The following EYS variants were observed in gnomAD, a reference collection of about 807,000 sequenced individuals.
EYS encodes EGF-like photoreceptor maintenance factor.
Under a neutral mutation model 282.1 loss-of-function variants are expected in EYS, and 250 were observed. That is an observed-to-expected ratio of 0.89 (90% CI 0.80 to 0.98). EYS has a LOEUF of 0.98. Among genes scored for constraint, EYS ranks in the 50% least tolerant of loss-of-function variants. The pLI, the probability that EYS is intolerant of heterozygous loss-of-function variation, is 0.00. For synonymous variants in EYS, 1,355 were observed against 1,282.9 expected (o/e 1.06, Z -1.20); for missense variants, 4,016 against 3,709.0 (o/e 1.08, Z -2.15).
At chr6:64,862,761 A>T (rs1455003523) in intron 19 of EYS, among the ~76,000 whole-genome samples, 1 of 152,146 alleles carries the variant, frequency 6.6e-6, no homozygotes, top group African/African-American at 2.4e-5. Context: ...AATACTCTTC[A>T]TAACTGAATA....
intron 22 of EYS, among the ~76,000 whole-genome samples, chr6:64,661,709 T>C (rs1267148439): frequency 9.1e-5 from 13 of 142,122 alleles, no homozygotes; most frequent in African/African-American, 1.6e-4. Flanking sequence ...GTTAGAATGG[T>C]GATCATTAAA....
intron 29 of EYS, among the ~76,000 whole-genome samples, chr6:64,319,903 T>G (rs1438204161): frequency 6.6e-6 from 1 of 152,006 alleles, no homozygotes; most frequent in East Asian, 1.9e-4. Context: ...ACTCTTAATT[T>G]GCCTTGCAGT....
At chr6:64,718,167 C>A (rs573456902) in intron 22 of EYS, among the ~76,000 whole-genome samples, 1 of 152,160 alleles carries the variant, frequency 6.6e-6, no homozygotes, top group East Asian at 1.9e-4. Flanking sequence ...TGAATTCATC[C>A]CCGAGGAACA....
chr6:63,857,502 G>A (rs748491658), intron 36 of EYS: 21 of 230,762 alleles, frequency 9.1e-5, no homozygotes, highest in Non-Finnish European at 1.5e-4. Context: ...ACTCTTCAAA[G>A]CCATAAGTAC....
chr6:64,344,795 AAACCCCATGGTCTC>A (rs1371015598), intron 29 of EYS, among the ~76,000 whole-genome samples: 2 of 152,120 alleles, frequency 1.3e-5, no homozygotes, highest in Admixed American at 1.3e-4. Context: ...TATATCTAGA[AAACCCCATGGTCTC>A]AGCCCAAAAT....
intron 31 of EYS, among the ~76,000 whole-genome samples, chr6:64,139,017 T>G (rs1310708308): frequency 6.6e-6 from 1 of 152,088 alleles, no homozygotes; most frequent in Middle Eastern, 3.2e-3. Flanking sequence ...ATAGACTGGG[T>G]TATCTAGGAT....
At chr6:63,959,967 T>C (rs145346827) in intron 35 of EYS, among the ~76,000 whole-genome samples, 1 of 151,748 alleles carries the variant, frequency 6.6e-6, no homozygotes, top group Non-Finnish European at 1.5e-5. Context: ...ATGGCACATG[T>C]ATACCTATGT....
intron 36 of EYS, among the ~76,000 whole-genome samples, chr6:63,859,337 G>A (rs1327488044): frequency 1.3e-5 from 2 of 151,870 alleles, no homozygotes; most frequent in Non-Finnish European, 2.9e-5. Context: ...GAGAGACCAA[G>A]TGACTTGCCC....
chr6:65,124,229 G>A (rs1283572388), intron 12 of EYS, among the ~76,000 whole-genome samples: 3 of 151,892 alleles, frequency 2.0e-5, no homozygotes, highest in Admixed American at 6.6e-5. Flanking sequence ...AAAGCAAAAG[G>A]GACTTTGTAG....
rs143681547 is a variant in EYS at position 65,628,630 on chromosome 6, C to T, written c.-333+11148G>A. Among the ~76,000 whole-genome samples the T allele has an allele frequency of 7.3e-3, 1,111 of 152,142 alleles. 11 individuals are homozygous for T. The highest frequency in any genetic ancestry group is 0.023 in the African/African-American group (955 of 41,486). Reference sequence around the variant, plus strand: ...AAGACCAGGAGCCCACCGGGAGGAACGAACAACTCCAGACGCGCTACCTTA... The same window carrying T: ...AAGACCAGGAGCCCACCGGGAGGAATGAACAACTCCAGACGCGCTACCTTA... On this transcript the variant is annotated intron_variant, in intron 2 of 42. Coordinates refer to ENST00000503581, the MANE Select transcript of EYS (RefSeq NM_001142800.2).
At chr6:64,055,467 T>C (rs187569625) in intron 33 of EYS, among the ~76,000 whole-genome samples, 2 of 152,314 alleles carry the variant, frequency 1.3e-5, no homozygotes, top group Non-Finnish European at 2.9e-5. Flanking sequence ...TTTGTAGTTA[T>C]ACAAAGAGTG....
At chr6:65,547,053 A>C (rs1490507610) in intron 2 of EYS, among the ~76,000 whole-genome samples, 2 of 151,940 alleles carry the variant, frequency 1.3e-5, no homozygotes, top group Non-Finnish European at 2.9e-5. Flanking sequence ...CGAGAATGCC[A>C]CTACGAAAAA....
chr6:64,850,692 A>C (rs539996668), intron 19 of EYS, among the ~76,000 whole-genome samples: 54 of 152,062 alleles, frequency 3.6e-4, no homozygotes, highest in Non-Finnish European at 1.0e-4. Context: ...AGTTTTTTAA[A>C]AGTTTTTTAA....
At chr6:65,437,088 G>A (rs1768099916) in intron 5 of EYS, among the ~76,000 whole-genome samples, 1 of 152,006 alleles carries the variant, frequency 6.6e-6, no homozygotes, top group African/African-American at 2.4e-5. Context: ...GTATATAAAA[G>A]GAAAACTTAA....
intron 14 of EYS, among the ~76,000 whole-genome samples, chr6:64,981,021 A>G (rs1770646028): frequency 6.6e-6 from 1 of 151,468 alleles, no homozygotes; most frequent in African/African-American, 2.4e-5. Flanking sequence ...TTCAATCATA[A>G]AATTCACTTA....
At chr6:64,217,424 G>T (rs1192228042) in intron 31 of EYS, among the ~76,000 whole-genome samples, 1 of 152,074 alleles carries the variant, frequency 6.6e-6, no homozygotes, top group African/African-American at 2.4e-5. Flanking sequence ...AGCTACTTGG[G>T]AAGCTGAGAC....
chr6:63,770,331 A>G (rs1221839703), intron 40 of EYS, among the ~76,000 whole-genome samples: 1 of 152,086 alleles, frequency 6.6e-6, no homozygotes, highest in East Asian at 1.9e-4. Context: ...ATTCTTATGT[A>G]TATGTTGAGG....
Position 64,950,399 on chromosome 6 carries a change from A to T in EYS, c.2260-4485T>A, listed in dbSNP as rs192830318. Among the ~76,000 whole-genome samples, 1,119 of 152,072 alleles carry T rather than the reference A, an allele frequency of 7.4e-3. 4 individuals are homozygous for T. The highest frequency in any genetic ancestry group is 0.013 in the Non-Finnish European group (884 of 67,906). On this transcript the variant is annotated intron_variant, in intron 14 of 42. Coordinates refer to ENST00000503581, the MANE Select transcript of EYS (RefSeq NM_001142800.2). ...TATCAAAACCTAGCTACCAAATTCT[A>T]GCAAGCATATAACAACAAATAGAAA...
At chr6:65,071,300 A>T (rs1773896188) in intron 12 of EYS, among the ~76,000 whole-genome samples, 1 of 151,938 alleles carries the variant, frequency 6.6e-6, no homozygotes, top group Admixed American at 6.6e-5. Context: ...TAAACTACCC[A>T]TTAGGGTTTT....
Sources: allele counts gnomAD v4.1 joint callset (sites outside exome capture counted in the v4.1 genomes callset), GRCh38; gene constraint gnomAD v4.1.1; transcripts MANE v1.5; gene names NCBI Gene and HGNC (gene_info 2026-07-23, HGNC 2026-07-21).